NFXL1: variants seen among roughly 807,000 people sequenced by gnomAD.
The protein encoded by NFXL1 is nuclear transcription factor, X-box binding like 1, also known as NF-X1-type zinc finger protein NFXL1.
In NFXL1, 66 loss-of-function variants were observed where a neutral mutation model predicts 123.3. The observed-to-expected ratio is 0.54, with a 90% CI of 0.44 to 0.66. The LOEUF (loss-of-function observed/expected upper bound fraction) is 0.66, where lower values mean the gene tolerates loss of function less well. Ranked by LOEUF, NFXL1 falls within the 30% of genes least tolerant of loss-of-function variation. The probability of loss-of-function intolerance (pLI) is 0.00; values close to 1 mark genes in which losing one functional copy is unlikely to be tolerated. For missense variants in NFXL1, 944 were observed against 1,125.6 expected (o/e 0.84, Z 2.31); for synonymous variants, 346 against 360.8 (o/e 0.96, Z 0.46).
intron 3 of NFXL1, among the ~76,000 whole-genome samples, chr4:47,908,368 G>A (rs1258387465): frequency 6.6e-6 from 1 of 151,928 alleles, no homozygotes; most frequent in East Asian, 1.9e-4. Flanking sequence ...AGATTGTAGG[G>A]AGCTATGATC....
chr4:47,867,687 G>T (rs1735185656), intron 18 of NFXL1, among the ~76,000 whole-genome samples: 1 of 151,992 alleles, frequency 6.6e-6, no homozygotes. Context: ...AACAACTTTA[G>T]GGGTCCCAGG....
At chr4:47,874,415 G>A (rs921887320) in intron 18 of NFXL1, among the ~76,000 whole-genome samples, 16 of 152,152 alleles carry the variant, frequency 1.1e-4, no homozygotes, top group Non-Finnish European at 1.9e-4. Context: ...CAATACTGTT[G>A]TTTCTTGGAA....
chr4:47,868,645 T>C (rs1735251679), intron 18 of NFXL1, among the ~76,000 whole-genome samples: 1 of 151,072 alleles, frequency 6.6e-6, no homozygotes, highest in Non-Finnish European at 1.5e-5. Flanking sequence ...AAAGAAAACG[T>C]ATCACATAAA....
Position 47,905,256 on chromosome 4 carries a change from G to A in NFXL1, c.497C>T (p.Ser166Leu), listed in dbSNP as rs751769737. 8.4e-6 allele frequency: 13 copies of A among 1,545,754 alleles called. No individual in the cohort carries two copies. The highest frequency in any genetic ancestry group is 2.7e-5 in the African/African-American group (2 of 73,474). The change falls in exon 4 of 23, where the codon TCG (serine) becomes TTG (leucine). Residue 166 changes from serine to leucine, a missense_variant. This residue lies in a region of NFXL1 where 303 missense variants were observed against 292.1 expected (regional missense o/e 1.04). Coordinates refer to ENST00000507489, the MANE Select transcript of NFXL1 (RefSeq NM_001278624.2). The stretch of plus-strand genomic sequence containing the variant: ...ACTTACTGCTTGGTTTCTCTTCACC[G>A]AAGCAATACAAATTAGGCATGTCAT... Reference protein sequence around the residue: ...GAMTCLICIASVKRNQAVWSC... With the variant: ...GAMTCLICIALVKRNQAVWSC...
chr4:47,903,264 A>T lies in NFXL1; in HGVS notation c.576T>A (p.Ala192=). The T allele has an allele frequency of 6.2e-7, 1 of 1,600,538 alleles. No individual in the cohort carries two copies. Among genetic ancestry groups the T allele is most frequent in the Non-Finnish European group, 8.5e-7 (1 of 1,172,578 alleles). Residue 192 remains alanine, a synonymous_variant, in exon 5 of 23, where the codon GCT becomes GCA. Coordinates refer to ENST00000507489, the MANE Select transcript of NFXL1 (RefSeq NM_001278624.2). The part of the protein sequence containing the change: ...IFHMPCIQKW[A]KDSQFLVSSV... Reference sequence around the variant, plus strand: ...AAGATACAAGAAACTGGCTGTCTTTAGCCCACTTCTGGATACAGGGCATGT... The same window carrying T: ...AAGATACAAGAAACTGGCTGTCTTTTGCCCACTTCTGGATACAGGGCATGT...
At position 47,899,138 on chromosome 4, in the gene NFXL1, CAAAAAAAA is replaced by C. The variant is rs3057881; in HGVS notation, c.827-26_827-19del. ...GCAGGGACCTAGAATTCAGTAAAAG[CAAAAAAAA>C]AAAAAAAAAAAAAATCTAAAGTCAG... On this transcript the variant is annotated intron_variant, in intron 6 of 22. Coordinates refer to ENST00000507489, the MANE Select transcript of NFXL1 (RefSeq NM_001278624.2). 248 of 1,210,118 alleles carry C rather than the reference CAAAAAAAA, an allele frequency of 2.0e-4. No individual in the cohort carries two copies. The highest frequency in any genetic ancestry group is 3.8e-4 in the Admixed American group (11 of 29,186). 75.0% of individuals were successfully genotyped at this position (1,210,118 alleles called of 1,614,324 possible). A position where few individuals can be genotyped will look rare whatever the true frequency, so the allele number is the denominator to read the frequency against.
In NFXL1 at chr4:47,879,745, C is replaced by G. The variant is rs375959734; in HGVS notation, c.1917-628G>C. Among the ~76,000 whole-genome samples, 5 of 152,076 alleles carry G rather than the reference C, an allele frequency of 3.3e-5. No homozygotes were observed. The East Asian group carries it at 5.8e-4, about 18-fold the overall frequency. On this transcript the variant is annotated intron_variant, in intron 15 of 22. Coordinates refer to ENST00000507489, the MANE Select transcript of NFXL1 (RefSeq NM_001278624.2). Reference sequence around the variant, plus strand: ...AGGCAAATAAATGAATGGAAGAGAACAGAGAGACCAGAAATGGAACCACAC... The same window carrying G: ...AGGCAAATAAATGAATGGAAGAGAAGAGAGAGACCAGAAATGGAACCACAC...
rs1737418134 is a variant in NFXL1 at position 47,903,111 on chromosome 4, C to T, written c.647+82G>A. 4 of 926,966 alleles carry T rather than the reference C, an allele frequency of 4.3e-6. No homozygotes were observed. The South Asian group carries it at 5.9e-5, about 14-fold the overall frequency. The allele number at this position is 926,966 out of a possible 1,614,324, so 57.4% of individuals were successfully genotyped here. The stretch of plus-strand genomic sequence containing the variant: ...TGGAGGTTGCAGTGAGCCAAGATCG[C>T]CACTGCACTCCAGCCTGCGTGACAA... On this transcript the variant is annotated intron_variant, in intron 5 of 22. Coordinates refer to ENST00000507489, the MANE Select transcript of NFXL1 (RefSeq NM_001278624.2).
chr4:47,898,902 A>T, intron 7 of NFXL1, 45 bp from the exon 8 acceptor site: 5 of 1,601,568 alleles, frequency 3.1e-6, no homozygotes, highest in Non-Finnish European at 4.3e-6. Flanking sequence ...AAAAGCAATA[A>T]AGATTGCTTT....
Position 47,847,286 on chromosome 4 carries a change from T to C in NFXL1, c.*877A>G, listed in dbSNP as rs932799385. On this transcript the variant is annotated 3_prime_UTR_variant, in exon 23 of 23. Transcript: ENST00000507489. ...GAAAACATTAATCATATAAATTAAA[T>C]AGCAAAACTATTTGAAAGGAATTAT... 1.3e-4 allele frequency: 20 copies of C among 152,240 alleles called. No individual in the cohort carries two copies. Among genetic ancestry groups the C allele is most frequent in the Admixed American group, 1.2e-3 (19 of 15,290 alleles). The allele number at this position is 152,240 out of a possible 1,614,324, so 9.4% of individuals were successfully genotyped here. A position where few individuals can be genotyped will look rare whatever the true frequency, so the allele number is the denominator to read the frequency against.
chr4:47,897,136 C>T (rs940526883), intron 9 of NFXL1, among the ~76,000 whole-genome samples: 1 of 151,966 alleles, frequency 6.6e-6, no homozygotes, highest in Admixed American at 6.6e-5. Flanking sequence ...ATAGGGAGAG[C>T]CCATCTCTAC....
chr4:47,892,110 T>G (rs180966158), intron 11 of NFXL1, among the ~76,000 whole-genome samples: 6 of 152,258 alleles, frequency 3.9e-5, no homozygotes, highest in Admixed American at 1.3e-4. Context: ...ACAACCAGAT[T>G]TACACTCCTG....
chr4:47,859,815 C>A (rs1443302111), intron 19 of NFXL1, among the ~76,000 whole-genome samples: 2 of 118,428 alleles, frequency 1.7e-5, no homozygotes, highest in African/African-American at 6.6e-5. Flanking sequence ...GTACTCCAAC[C>A]CAGGCAACAG....
chr4:47,867,998 G>A (rs201475264), intron 18 of NFXL1, among the ~76,000 whole-genome samples: 2 of 152,140 alleles, frequency 1.3e-5, no homozygotes, highest in Non-Finnish European at 2.9e-5. Context: ...AAAGACTGAT[G>A]GTTGAAATTC....
In NFXL1 at chr4:47,910,793, C is replaced by T. The variant is rs190427332; in HGVS notation, c.406+31G>A. The T allele has an allele frequency of 1.6e-3, 2,311 of 1,409,928 alleles. 8 individuals are homozygous for T. Among genetic ancestry groups the T allele is most frequent in the Non-Finnish European group, 1.3e-3 (1,313 of 1,048,318 alleles). The allele number at this position is 1,409,928 out of a possible 1,614,324, so 87.3% of individuals were successfully genotyped here. A position where few individuals can be genotyped will look rare whatever the true frequency, so the allele number is the denominator to read the frequency against. ...AATGTCAGGAATACAGTTTCATTGA[C>T]GTCAAAAGTCAAAATTTAAAAGATC... On this transcript the variant is annotated intron_variant, in intron 3 of 22. Transcript: ENST00000507489.
intron 19 of NFXL1, among the ~76,000 whole-genome samples, chr4:47,856,984 T>C (rs1349719769): frequency 6.6e-6 from 1 of 152,180 alleles, no homozygotes; most frequent in Non-Finnish European, 1.5e-5. Context: ...CACTTATTCT[T>C]ACTCTCAAAA....
At chr4:47,868,380 T>C (rs1163458431) in intron 18 of NFXL1, among the ~76,000 whole-genome samples, 3 of 148,760 alleles carry the variant, frequency 2.0e-5, no homozygotes, top group African/African-American at 7.4e-5. Flanking sequence ...GAATAATATA[T>C]AAATGTCATA....
At chr4:47,881,878 G>A (rs965952152) in intron 15 of NFXL1, among the ~76,000 whole-genome samples, 1 of 152,102 alleles carries the variant, frequency 6.6e-6, no homozygotes, top group African/African-American at 2.4e-5. Context: ...AGTTTGAGAC[G>A]GGGAGGGGAA....
chr4:47,905,166 C>A (rs556664446), intron 4 of NFXL1, 71 bp downstream of exon 4: 2 of 573,504 alleles, frequency 3.5e-6, no homozygotes, highest in Admixed American at 2.8e-5. Context: ...AATAATAAAT[C>A]GTTAAGTATT....
Sources: gnomAD v4.1 joint callset for allele counts (sites outside exome capture counted in the v4.1 genomes callset) on GRCh38, gnomAD v4.1.1 for gene constraint, gnomAD v4.1.1 regional missense constraint, MANE v1.5 for transcripts, NCBI Gene and HGNC (gene_info 2026-07-23, HGNC 2026-07-21) for gene names.